The following CFAP20DC variants were observed in gnomAD, a reference collection of about 807,000 sequenced individuals.
CFAP20DC encodes the protein CFAP20 domain containing.
CFAP20DC carries 84 observed loss-of-function variants against 101.7 expected under a neutral mutation model. The observed-to-expected ratio is 0.83, with a 90% CI of 0.69 to 0.99. The LOEUF is 0.99. Ranked by LOEUF, CFAP20DC falls within the 50% of genes least tolerant of loss-of-function variation. The pLI, the probability that CFAP20DC is intolerant of heterozygous loss-of-function variation, is 0.00. For missense variants in CFAP20DC, 1,007 were observed against 970.3 expected (o/e 1.04, Z -0.50); for synonymous variants, 359 against 351.2 (o/e 1.02, Z -0.25).
chr3:58,922,254 C>T (rs1410325561), intron 5 of CFAP20DC, among the ~76,000 whole-genome samples: 1 of 152,124 alleles, frequency 6.6e-6, no homozygotes, highest in East Asian at 1.9e-4. Flanking sequence ...TTCAATTTGT[C>T]CCATCTGTTC....
rs973690330 is a variant in CFAP20DC, at chr3:58,721,918, T to C, written c.198-4290A>G. On this transcript the variant is annotated intron_variant, in intron 3 of 3. Transcript: ENST00000486145. This position sits in a 1 kb window ranked among gnomAD's most constrained non-coding sequence, Gnocchi z 5.2. The stretch of plus-strand genomic sequence containing the variant: ...CCATCCCACAGGCCCTTCTGTGATG[T>C]GACCTGGCCACAGCTCCCTTGAGCC... 3.9e-5 allele frequency among the ~76,000 whole-genome samples: 6 copies of C among 152,254 alleles called. No homozygotes were observed. Among genetic ancestry groups the C allele is most frequent in the African/African-American group, 1.4e-4 (6 of 41,468 alleles).
intron 4 of CFAP20DC, among the ~76,000 whole-genome samples, chr3:58,998,654 A>T (rs565342481): frequency 1.3e-5 from 2 of 152,074 alleles, no homozygotes; most frequent in Non-Finnish European, 2.9e-5. Context: ...ACTCTAGGGT[A>T]AGCCATGTGA....
At chr3:58,800,313 G>A (rs1483602222) in intron 15 of CFAP20DC, among the ~76,000 whole-genome samples, 3 of 152,182 alleles carry the variant, frequency 2.0e-5, no homozygotes, top group Non-Finnish European at 4.4e-5. Flanking sequence ...GACTATAGCA[G>A]TGAAAACAGA....
rs987397898 is a variant in CFAP20DC at position 59,014,706 on chromosome 3, C to G, written c.278+24851G>C. On this transcript the variant is annotated intron_variant, in intron 4 of 16. Coordinates refer to ENST00000482387, the MANE Select transcript of CFAP20DC (RefSeq NM_001394063.1). The surrounding 1 kb of genome is among the most constrained non-coding windows in gnomAD (Gnocchi z 4.9). ...AGTAATTTATTTACTAACGGCTAAC[C>G]CTCAATTATCTGCATTAATTGTGGA... 1.1e-4 allele frequency among the ~76,000 whole-genome samples: 17 copies of G among 152,030 alleles called. No homozygotes were observed. The highest frequency in any genetic ancestry group is 3.4e-4 in the African/African-American group (14 of 41,374).
rs60488531 is a variant in CFAP20DC at position 58,872,380 on chromosome 3, T to TA, written c.716-2072dup. Among the ~76,000 whole-genome samples the TA allele has an allele frequency of 2.3e-3, 333 of 147,280 alleles. 3 individuals carry two copies. The highest frequency in any genetic ancestry group is 2.8e-3 in the Non-Finnish European group (182 of 66,168). ...AAAAACCACTCCTATGCATCAGTCTTAAAAAAAAAAAGACACATGGGTTTG... is the reference window on the plus strand; with the variant it reads ...AAAAACCACTCCTATGCATCAGTCTTAAAAAAAAAAAAGACACATGGGTTTG... On this transcript the variant is annotated intron_variant, in intron 7 of 16. Transcript: ENST00000482387.
At chr3:58,961,327 G>C (rs2091116208) in intron 4 of CFAP20DC, among the ~76,000 whole-genome samples, 1 of 152,176 alleles carries the variant, frequency 6.6e-6, no homozygotes, top group Non-Finnish European at 1.5e-5. Context: ...GCCAAGGTGG[G>C]TGGATTACCT....
chr3:58,858,836 C>G (rs1397073115), intron 12 of CFAP20DC, among the ~76,000 whole-genome samples: 1 of 152,174 alleles, frequency 6.6e-6, no homozygotes, highest in African/African-American at 2.4e-5. Context: ...AACATCAGCA[C>G]TAGCAAACAA....
At position 58,827,334 on chromosome 3, in the gene CFAP20DC, C is replaced by G. The variant is rs188635891; in HGVS notation, c.2175+4352G>C. On this transcript the variant is annotated intron_variant, in intron 14 of 16. Coordinates refer to ENST00000482387, the MANE Select transcript of CFAP20DC (RefSeq NM_001394063.1). Reference sequence around the variant, plus strand: ...CCAGACAGAGAAGAGATGAGCATGGCCTGATCTGAACACAGGGCATGGCTC... The same window carrying G: ...CCAGACAGAGAAGAGATGAGCATGGGCTGATCTGAACACAGGGCATGGCTC... 1.1e-3 allele frequency among the ~76,000 whole-genome samples: 171 copies of G among 149,080 alleles called. 2 individuals carry two copies. The highest frequency in any genetic ancestry group is 4.1e-3 in the African/African-American group (167 of 40,442).
intron 4 of CFAP20DC, among the ~76,000 whole-genome samples, chr3:58,976,450 A>C (rs940853960): frequency 3.9e-5 from 6 of 152,212 alleles, no homozygotes; most frequent in African/African-American, 9.6e-5. Context: ...AAAGCTATGC[A>C]TGTTATGATG....
intron 4 of CFAP20DC, among the ~76,000 whole-genome samples, chr3:59,016,645 T>C (rs2093696118): frequency 6.6e-6 from 1 of 152,098 alleles, no homozygotes; most frequent in African/African-American, 2.4e-5. Context: ...CTGTATCCCA[T>C]AGGTATGTAC....
chr3:58,932,602 G>C (rs1315583636), intron 5 of CFAP20DC, among the ~76,000 whole-genome samples: 1 of 152,144 alleles, frequency 6.6e-6, no homozygotes, highest in East Asian at 1.9e-4. Context: ...AGCCAGAAGA[G>C]AGTGGGGGCC....
intron 4 of CFAP20DC, among the ~76,000 whole-genome samples, chr3:58,999,403 G>C (rs1015801181): frequency 2.0e-5 from 3 of 152,144 alleles, no homozygotes; most frequent in African/African-American, 7.2e-5. Flanking sequence ...GTCAACAGAG[G>C]CCCACTGAGT....
At chr3:58,738,117 G>A (rs566735407), downstream of CFAP20DC, among the ~76,000 whole-genome samples, 8 of 152,304 alleles carry the variant, frequency 5.3e-5, no homozygotes, top group South Asian at 1.7e-3. This position sits in a 1 kb window ranked among gnomAD's most constrained non-coding sequence, Gnocchi z 4.4. Flanking sequence ...AATGCAAAAT[G>A]AATGATGTAC....
At position 58,979,807 on chromosome 3, in the gene CFAP20DC, GTTTC is replaced by G. The variant is rs1446378008; in HGVS notation, c.279-42049_279-42046del. 8.8e-5 allele frequency among the ~76,000 whole-genome samples: 13 copies of G among 148,322 alleles called. 1 individual carries two copies. In the South Asian group the frequency reaches 2.8e-3, roughly 32 times the overall value. On this transcript the variant is annotated intron_variant, in intron 4 of 16. Transcript: ENST00000482387. ...AGTTGAGATTTAATGTTTTGTCCTT[GTTTC>G]TTTTTCTTTTTTTTTTTTTATGGAG...
At chr3:58,978,160 C>T (rs1013250175) in intron 4 of CFAP20DC, among the ~76,000 whole-genome samples, 1 of 152,100 alleles carries the variant, frequency 6.6e-6, no homozygotes, top group Non-Finnish European at 1.5e-5. Context: ...TTCATTAGCA[C>T]CCTACCATTT....
At chr3:59,025,096 C>T (rs573222363) in intron 4 of CFAP20DC, among the ~76,000 whole-genome samples, 1 of 152,284 alleles carries the variant, frequency 6.6e-6, no homozygotes, top group South Asian at 2.1e-4. Context: ...TGCTTCTTCA[C>T]AGTTGAACAT....
intron 4 of CFAP20DC, among the ~76,000 whole-genome samples, chr3:58,978,233 C>T (rs962453467): frequency 3.3e-5 from 5 of 152,144 alleles, no homozygotes; most frequent in African/African-American, 9.7e-5. Flanking sequence ...GGCTTCCCCA[C>T]TCCCCTGCCT....
intron 4 of CFAP20DC, among the ~76,000 whole-genome samples, chr3:58,979,306 T>C (rs2092417380): frequency 6.6e-6 from 1 of 152,216 alleles, no homozygotes; most frequent in Admixed American, 6.5e-5. Flanking sequence ...TCACCTTTAA[T>C]CTAGGAATAA....
chr3:58,846,702 G>A (rs1275207408), intron 13 of CFAP20DC, among the ~76,000 whole-genome samples: 11 of 151,168 alleles, frequency 7.3e-5, no homozygotes, highest in East Asian at 3.9e-4. Flanking sequence ...AGCCCGCATC[G>A]CCAAGTCAAT....
Sources: gnomAD v4.1 joint callset for allele counts (sites outside exome capture counted in the v4.1 genomes callset) on GRCh38, gnomAD v4.1.1 for gene constraint, Gnocchi (gnomAD v3.1) non-coding constraint, MANE v1.5 for transcripts, NCBI Gene and HGNC (gene_info 2026-07-23, HGNC 2026-07-21) for gene names.